Variants in PCDHA3 observed in about 807,000 individuals in gnomAD.
PCDHA3 encodes protocadherin alpha 3.
In PCDHA3, 41 loss-of-function variants were observed where a neutral mutation model predicts 62.2. The ratio of observed to expected loss-of-function variants is 0.66; its 90% CI spans 0.51 to 0.86. PCDHA3 has a LOEUF of 0.86. Among genes scored for constraint, PCDHA3 ranks in the 40% least tolerant of loss-of-function variants. The probability of loss-of-function intolerance (pLI) is 0.00; values close to 1 mark genes in which losing one functional copy is unlikely to be tolerated. For synonymous variants in PCDHA3, 640 were observed against 555.4 expected, an observed-to-expected ratio of 1.15 and a Z score of -2.14; for missense variants, 1,304 against 1,241.2, an observed-to-expected ratio of 1.05 and a Z score of -0.76.
chr5:140,861,018 C>T (rs1263823889), intron 1 of PCDHA3: 1 of 152,248 alleles, frequency 6.6e-6, no homozygotes, highest in South Asian at 2.1e-4. Context: ...CGAGTGCCAC[C>T]GCACCCGGCC....
chr5:140,969,998 G>A (rs1345371434), intron 1 of PCDHA3, among the ~76,000 whole-genome samples: 2 of 152,220 alleles, frequency 1.3e-5, no homozygotes, highest in Non-Finnish European at 2.9e-5. Flanking sequence ...GGCTGTCAGA[G>A]GGAGTGGATG....
intron 1 of PCDHA3, chr5:140,857,650 G>C (rs1212312396): frequency 6.3e-7 from 1 of 1,596,628 alleles, no homozygotes; most frequent in Non-Finnish European, 8.6e-7. Flanking sequence ...AGTTCCAGGT[G>C]AGCGCGCGCG....
chr5:140,857,855 A>T, intron 1 of PCDHA3: 1 of 1,597,468 alleles, frequency 6.3e-7, no homozygotes, highest in Non-Finnish European at 8.6e-7. Context: ...CTCTGGATAC[A>T]ACGCGTGGCT....
chr5:140,822,807 T>TAA (rs2150119555), intron 1 of PCDHA3: 1 of 1,614,176 alleles, frequency 6.2e-7, no homozygotes, highest in South Asian at 1.1e-5. Flanking sequence ...ATGTGAATGA[T>TAA]AATACCCCAG....
At chr5:140,808,713 C>G in intron 1 of PCDHA3, 8 of 1,612,214 alleles carry the variant, frequency 5.0e-6, no homozygotes, top group Non-Finnish European at 6.8e-6. Flanking sequence ...AGCTACGTTT[C>G]GGTGCATGCG....
intron 1 of PCDHA3, chr5:140,930,305 T>C (rs1554207723): frequency 6.6e-6 from 1 of 152,252 alleles, no homozygotes; most frequent in Non-Finnish European, 1.5e-5. Flanking sequence ...TAAGTAAATA[T>C]CATATTTGAG....
chr5:140,841,591 C>T (rs2150318680), intron 1 of PCDHA3: 1 of 1,614,046 alleles, frequency 6.2e-7, no homozygotes, highest in Admixed American at 1.7e-5. Context: ...ATTCTCGGAT[C>T]GACCGCGAGG....
At chr5:140,906,487 CA>C (rs1346198597) in intron 1 of PCDHA3, among the ~76,000 whole-genome samples, 1 of 152,180 alleles carries the variant, frequency 6.6e-6, no homozygotes, top group Non-Finnish European at 1.5e-5. Context: ...TATAAATGCA[CA>C]AACATGTTTT....
At chr5:140,826,236 TTATA>T (rs1420933804) in intron 1 of PCDHA3, among the ~76,000 whole-genome samples, 3 of 152,218 alleles carry the variant, frequency 2.0e-5, no homozygotes, top group Non-Finnish European at 4.4e-5. Context: ...TATAAACTAT[TTATA>T]TATCTCTTTA....
chr5:140,856,767 T>A, intron 1 of PCDHA3: 1 of 1,596,922 alleles, frequency 6.3e-7, no homozygotes, highest in Non-Finnish European at 8.6e-7. Context: ...AACGCCCCTA[T>A]CTTTGACAGA....
chr5:140,898,674 C>G (rs1174441906), intron 1 of PCDHA3, among the ~76,000 whole-genome samples: 1 of 152,160 alleles, frequency 6.6e-6, no homozygotes, highest in Non-Finnish European at 1.5e-5. Context: ...GTGTTGCGGG[C>G]TGTTTTTTGG....
At chr5:140,914,788 T>G (rs2076845575) in intron 1 of PCDHA3, among the ~76,000 whole-genome samples, 1 of 152,192 alleles carries the variant, frequency 6.6e-6, no homozygotes, top group South Asian at 2.1e-4. Context: ...TTATGACCCA[T>G]TATTTTAAAC....
Position 140,803,103 on chromosome 5 carries a change from G to A in PCDHA3, c.1906G>A (p.Ala636Thr). 6.2e-7 allele frequency: 1 copy of A among 1,613,824 alleles called. No individual in the cohort carries two copies. Among genetic ancestry groups the A allele is most frequent in the South Asian group, 1.1e-5 (1 of 91,074 alleles). Reference protein sequence around the residue: ...LYTGEISTTRALDEVDAPRHR... With the variant: ...LYTGEISTTRTLDEVDAPRHR... ...CACGGGAGAGATCAGCACGACCCGTGCCCTGGACGAGGTGGACGCCCCGCG... is the reference window on the plus strand; with the variant it reads ...CACGGGAGAGATCAGCACGACCCGTACCCTGGACGAGGTGGACGCCCCGCG... The change falls in exon 1 of 4, where the codon GCC (alanine) becomes ACC (threonine). Residue 636 changes from alanine to threonine, a missense_variant. Physicochemically the swap from Ala to Thr is moderately conservative, Grantham distance 58. Coordinates refer to ENST00000522353, the MANE Select transcript of PCDHA3 (RefSeq NM_018906.3).
intron 1 of PCDHA3, chr5:140,859,894 C>T (rs930000447): frequency 6.6e-6 from 1 of 151,852 alleles, no homozygotes; most frequent in Non-Finnish European, 1.5e-5. Context: ...GAAAAAAAAT[C>T]TTCCTTAATG....
intron 1 of PCDHA3, chr5:140,808,887 C>A (rs782248203): frequency 6.2e-7 from 1 of 1,613,290 alleles, no homozygotes; most frequent in South Asian, 1.1e-5. Flanking sequence ...GCACTGCTAG[C>A]GCCTCGGGCG....
intron 1 of PCDHA3, among the ~76,000 whole-genome samples, chr5:140,838,078 G>T (rs1414212899): frequency 5.1e-3 from 32 of 6,318 alleles, no homozygotes; most frequent in East Asian, 4.1e-3. Context: ...TATATATATA[G>T]TGTGTGTGTG....
rs1762940116 is a variant in PCDHA3 at position 140,802,536 on chromosome 5, G to A, written c.1339G>A (p.Asp447Asn). The change falls in exon 1 of 4, where the codon GAC (aspartate) becomes AAC (asparagine). Residue 447 changes from aspartate to asparagine, a missense_variant. Coordinates refer to ENST00000522353, the MANE Select transcript of PCDHA3 (RefSeq NM_018906.3). Reference protein sequence around the residue: ...ATASVSVEVADVNDNAPAFSQ... With the variant: ...ATASVSVEVANVNDNAPAFSQ... ...GGCCAGCGTGTCCGTGGAGGTGGCC[G>A]ACGTGAACGACAATGCGCCGGCATT... is the stretch of plus-strand genomic sequence containing the variant. The A allele has an allele frequency of 4.3e-6, 7 of 1,614,200 alleles. No homozygotes were observed. The highest frequency in any genetic ancestry group is 5.9e-6 in the Non-Finnish European group (7 of 1,180,048).
At chr5:140,905,621 T>C (rs1180191773) in intron 1 of PCDHA3, among the ~76,000 whole-genome samples, 1 of 152,224 alleles carries the variant, frequency 6.6e-6, no homozygotes, top group Non-Finnish European at 1.5e-5. Flanking sequence ...TAGATTGCTT[T>C]TGACAGTATG....
chr5:140,961,748 A>G (rs2095633419), intron 1 of PCDHA3, among the ~76,000 whole-genome samples: 1 of 152,184 alleles, frequency 6.6e-6, no homozygotes, highest in Non-Finnish European at 1.5e-5. Flanking sequence ...GTAATATTAC[A>G]GTTTTGAAGG....
Sources: gnomAD v4.1 joint callset for allele counts (sites outside exome capture counted in the v4.1 genomes callset) on GRCh38, gnomAD v4.1.1 for gene constraint, MANE v1.5 for transcripts, NCBI Gene and HGNC (gene_info 2026-07-23, HGNC 2026-07-21) for gene names.